DLC1: variants seen among roughly 807,000 people sequenced by gnomAD.
DLC1 encodes DLC1 Rho GTPase activating protein, also known as rho GTPase-activating protein 7.
DLC1 carries 54 observed loss-of-function variants against 140.3 expected under a neutral mutation model. That is an observed-to-expected ratio of 0.38 (90% CI 0.31 to 0.48). The LOEUF is 0.48. Among genes scored for constraint, DLC1 ranks in the 20% least tolerant of loss-of-function variants. The probability of loss-of-function intolerance (pLI) is 0.96; values close to 1 mark genes in which losing one functional copy is unlikely to be tolerated. For synonymous variants in DLC1, 986 were observed against 728.1 expected, an observed-to-expected ratio of 1.35 and a Z score of -5.70; for missense variants, 2,536 against 1,907.0, an observed-to-expected ratio of 1.33 and a Z score of -6.14.
At chr8:13,458,702 G>A (rs575595617) in intron 2 of DLC1, among the ~76,000 whole-genome samples, 1 of 152,130 alleles carries the variant, frequency 6.6e-6, no homozygotes, top group South Asian at 2.1e-4. Context: ...TTTGAAATAA[G>A]GGCTAAATCC....
intron 5 of DLC1, among the ~76,000 whole-genome samples, chr8:13,240,784 A>G (rs1183870418): frequency 6.6e-6 from 1 of 152,234 alleles, no homozygotes; most frequent in Non-Finnish European, 1.5e-5. Flanking sequence ...GTGATGGCCA[A>G]TTTCTATTCA....
intron 2 of DLC1, among the ~76,000 whole-genome samples, chr8:13,449,745 A>G (rs907882790): frequency 1.3e-5 from 2 of 152,110 alleles, no homozygotes; most frequent in African/African-American, 4.8e-5. Context: ...GGTACAGCAC[A>G]CCAACATGGC....
At chr8:13,324,941 A>G (rs1015347917) in intron 4 of DLC1, among the ~76,000 whole-genome samples, 1 of 152,206 alleles carries the variant, frequency 6.6e-6, no homozygotes, top group Non-Finnish European at 1.5e-5. Context: ...TGCAAAAATC[A>G]TGTATCATAA....
At chr8:13,581,583 T>G (rs1237249209) in intron 1 of DLC1, among the ~76,000 whole-genome samples, 1 of 152,212 alleles carries the variant, frequency 6.6e-6, no homozygotes, top group Non-Finnish European at 1.5e-5. Context: ...ATATCCACTG[T>G]CACCCACCTT....
intron 2 of DLC1, among the ~76,000 whole-genome samples, chr8:13,454,505 A>C (rs1044565116): frequency 1.3e-5 from 2 of 152,242 alleles, no homozygotes; most frequent in Admixed American, 6.5e-5. Context: ...ACTTGGAACA[A>C]ATGTGCCTGA....
intron 1 of DLC1, among the ~76,000 whole-genome samples, chr8:13,571,157 G>GT (rs1194062688): frequency 6.6e-6 from 1 of 152,148 alleles, no homozygotes. Context: ...ACCAAAGATA[G>GT]TTTATTATGT....
In DLC1 at chr8:13,246,657, GC is replaced by G. The variant is rs1244009255; in HGVS notation, c.1348+58611del. ...CCTACAAAGGTATAGTACGACAAAT[GC>G]TTTTTTTTTTTTCTACGCGACCACA... On this transcript the variant is annotated intron_variant, in intron 5 of 17. Coordinates refer to ENST00000276297, the MANE Select transcript of DLC1 (RefSeq NM_182643.3). 2.0e-5 allele frequency among the ~76,000 whole-genome samples: 3 copies of G among 151,662 alleles called. No homozygotes were observed. In the East Asian group the frequency reaches 5.8e-4, roughly 30 times the overall value.
intron 1 of DLC1, among the ~76,000 whole-genome samples, chr8:13,562,460 A>G (rs1399455993): frequency 6.6e-6 from 1 of 152,234 alleles, no homozygotes; most frequent in Non-Finnish European, 1.5e-5. Context: ...CTTTATGCAC[A>G]TGAAATGGTG....
intron 1 of DLC1, among the ~76,000 whole-genome samples, chr8:13,521,954 TC>T (rs1802779756): frequency 6.6e-6 from 1 of 152,186 alleles, no homozygotes; most frequent in East Asian, 1.9e-4. Context: ...ATGTGTCATA[TC>T]ACAGCTGCAC....
In DLC1 at chr8:13,210,303, T is replaced by C. The variant is rs1027561365; in HGVS notation, c.1349-94646A>G. 5.3e-5 allele frequency among the ~76,000 whole-genome samples: 8 copies of C among 152,358 alleles called. No homozygotes were observed. In the East Asian group the frequency reaches 1.5e-3, roughly 29 times the overall value. ...CTCAATTCTGGGTATCTTTAAATAC[T>C]GTTTTTAGAAGACCAGGATATTTAT... On this transcript the variant is annotated intron_variant, in intron 5 of 17. Transcript: ENST00000276297.
intron 2 of DLC1, among the ~76,000 whole-genome samples, chr8:13,405,845 CCTTT>C (rs1563320549): frequency 6.6e-6 from 1 of 150,976 alleles, no homozygotes; most frequent in Non-Finnish European, 1.5e-5. Flanking sequence ...TCCCTCCCTC[CCTTT>C]CTGTCTTTCT....
At chr8:13,483,137 C>G (rs1800813361) in intron 2 of DLC1, among the ~76,000 whole-genome samples, 1 of 152,120 alleles carries the variant, frequency 6.6e-6, no homozygotes, top group Admixed American at 6.5e-5. Flanking sequence ...TGCATCGGTC[C>G]AATCTCTGCT....
At chr8:13,582,849 T>G (rs1186606612) in intron 1 of DLC1, among the ~76,000 whole-genome samples, 1 of 142,216 alleles carries the variant, frequency 7.0e-6, no homozygotes, top group Non-Finnish European at 1.5e-5. Flanking sequence ...CCAGTGCATA[T>G]AAAAGTTATG....
chr8:13,408,864 C>T (rs1837672951), intron 2 of DLC1, among the ~76,000 whole-genome samples: 1 of 152,030 alleles, frequency 6.6e-6, no homozygotes, highest in Non-Finnish European at 1.5e-5. Flanking sequence ...CAAGACTTTT[C>T]TTGGTTTGAA....
intron 5 of DLC1, among the ~76,000 whole-genome samples, chr8:13,274,569 G>C (rs1831082565): frequency 6.6e-6 from 1 of 152,164 alleles, no homozygotes; most frequent in Non-Finnish European, 1.5e-5. Context: ...TACACTTGCT[G>C]TTATGTTTTG....
intron 2 of DLC1, among the ~76,000 whole-genome samples, chr8:13,433,556 G>A (rs1187160803): frequency 6.6e-6 from 1 of 152,206 alleles, no homozygotes; most frequent in East Asian, 1.9e-4. Context: ...AGTTCCACAA[G>A]TCTCTAACTT....
At chr8:13,143,764 G>T (rs1173425655) in intron 5 of DLC1, among the ~76,000 whole-genome samples, 1 of 151,066 alleles carries the variant, frequency 6.6e-6, no homozygotes, top group Admixed American at 6.6e-5. Context: ...TACAATGTAA[G>T]AAGTTTGGTT....
chr8:13,553,076 AT>A (rs1803917438), intron 1 of DLC1, among the ~76,000 whole-genome samples: 1 of 151,256 alleles, frequency 6.6e-6, no homozygotes, highest in East Asian at 2.0e-4. Context: ...TGCAATAGTT[AT>A]CAACACACAG....
At chr8:13,374,601 G>A (rs1447021656) in intron 4 of DLC1, among the ~76,000 whole-genome samples, 3 of 152,164 alleles carry the variant, frequency 2.0e-5, no homozygotes, top group Non-Finnish European at 4.4e-5. Flanking sequence ...TGGCCAACAT[G>A]GTGAAACCCC....
Sources: gnomAD v4.1 joint callset for allele counts (sites outside exome capture counted in the v4.1 genomes callset) on GRCh38, gnomAD v4.1.1 for gene constraint, MANE v1.5 for transcripts, NCBI Gene and HGNC (gene_info 2026-07-23, HGNC 2026-07-21) for gene names.